The following TTN variants were observed in gnomAD, a reference collection of about 807,000 sequenced individuals.
TTN encodes the protein titin.
Under a neutral mutation model 3,223.0 loss-of-function variants are expected in TTN, and 1,525 were observed. The observed-to-expected ratio is 0.47, with a 90% CI of 0.45 to 0.49. The LOEUF is 0.49. TTN is among the 20% of genes least tolerant of loss of function. The pLI is 0.00. For synonymous variants in TTN, 14,094 were observed against 15,161.0 expected (o/e 0.93, Z 5.17); for missense variants, 40,786 against 43,424.0 (o/e 0.94, Z 5.40).
intron 143 of TTN, 88 bp downstream of exon 143, chr2:178,678,659 A>AT (rs1240049258): frequency 7.8e-7 from 1 of 1,286,592 alleles, no homozygotes; most frequent in African/African-American, 1.5e-5. Context: ...AAAGAGTTGC[A>AT]TCCCAAAGAG....
Position 178,775,740 on chromosome 2 carries a change from T to G in TTN, c.6124A>C (p.Thr2042Pro). ...RKTKDELLHW[T>P]KELTEEEKKA... ...TTTTCCTCTTCAGTTAACTCTTTGG[T>G]CCAGTGGAGAAGTTCATCTTTTGTC... The change falls in exon 28 of 363, where the codon ACC (threonine) becomes CCC (proline). Residue 2042 changes from threonine (T) to proline (P), a missense_variant. Coordinates refer to ENST00000589042, the MANE Select transcript of TTN (RefSeq NM_001267550.2). 1 of 1,614,078 alleles carries G rather than the reference T, an allele frequency of 6.2e-7. No individual in the cohort carries two copies. Among genetic ancestry groups the G allele is most frequent in the South Asian group, 1.1e-5 (1 of 91,082 alleles).
intron 47 of TTN, chr2:178,750,303 C>T (rs1401056403): frequency 3.7e-6 from 6 of 1,613,196 alleles, no homozygotes; most frequent in Non-Finnish European, 5.1e-6. Context: ...TTTGCTTTCA[C>T]TTTAAGCATA....
intron 294 of TTN, among the ~76,000 whole-genome samples, chr2:178,596,498 G>C (rs1029145487): frequency 2.0e-5 from 3 of 152,052 alleles, no homozygotes; most frequent in African/African-American, 7.2e-5. Context: ...GGGAAACGGA[G>C]AGAGAGATGG....
At position 178,794,517 on chromosome 2, in the gene TTN, G is replaced by C. The variant is rs759339096; in HGVS notation, c.1280C>G (p.Ala427Gly). The C allele has an allele frequency of 1.2e-6, 2 of 1,614,032 alleles. No homozygotes were observed. Among genetic ancestry groups the C allele is most frequent in the African/African-American group, 1.3e-5 (1 of 74,920 alleles). ...KQDADKSAAV[A>G]TVVAAVDMAR... ...CATATCAACGGCAGCAACAACAGTC[G>C]CAACAGCTGCACTTTTGTCAGCATC... The change falls in exon 8 of 363, where the codon GCG (alanine) becomes GGG (glycine). Residue 427 changes from alanine (A) to glycine (G), a missense_variant. Physicochemically the swap from Ala to Gly is moderately conservative, Grantham distance 60. Transcript: ENST00000589042.
chr2:178,557,283 A>G lies in TTN; in HGVS notation c.87979T>C (p.Ser29327Pro), dbSNP rs369714676. 1 of 1,613,938 alleles carries G rather than the reference A, an allele frequency of 6.2e-7. No homozygotes were observed. Among genetic ancestry groups the G allele is most frequent in the East Asian group, 2.2e-5 (1 of 44,822 alleles). Reference sequence around the variant, plus strand: ...GCATCAATTGCCAAGACTGGTTCAGAAGGATGGCTAGGTTTTCCAACTCCA... The same window carrying G: ...GCATCAATTGCCAAGACTGGTTCAGGAGGATGGCTAGGTTTTCCAACTCCA... Reference protein sequence around the residue: ...AAGVGKPSHPSEPVLAIDACE... With the variant: ...AAGVGKPSHPPEPVLAIDACE... The change falls in exon 329 of 363, where the codon TCT becomes CCT. Residue 29327 changes from serine to proline, a missense_variant. Physicochemically the swap from Ser to Pro is moderately conservative, Grantham distance 74 (BLOSUM62 -1). Coordinates refer to ENST00000589042, the MANE Select transcript of TTN (RefSeq NM_001267550.2).
chr2:178,783,976 G>A, intron 16 of TTN, 94 bp downstream of exon 16: 1 of 1,595,192 alleles, frequency 6.3e-7, no homozygotes, highest in East Asian at 2.2e-5. Flanking sequence ...AGAAAGGCAA[G>A]ACTCCACTGG....
chr2:178,593,926 C>T, intron 297 of TTN, 35 bp downstream of exon 297: 1 of 1,608,278 alleles, frequency 6.2e-7, no homozygotes, highest in Non-Finnish European at 8.5e-7. Context: ...TTTGAAAGAA[C>T]AGAAGATCTA....
chr2:178,749,806 AAGGACTC>A, intron 47 of TTN: 1 of 1,613,174 alleles, frequency 6.2e-7, no homozygotes, highest in Non-Finnish European at 8.5e-7. Context: ...TCTGCTTTAA[AAGGACTC>A]CATTTTGAAA....
At chr2:178,749,566 C>A (rs1248200806) in intron 47 of TTN, 2 of 1,612,750 alleles carry the variant, frequency 1.2e-6, no homozygotes, top group African/African-American at 2.7e-5. Flanking sequence ...CAGATTCTCC[C>A]TGGTCTTGCA....
Position 178,632,358 on chromosome 2 carries a change from T to C in TTN, c.43536A>G (p.Glu14512=), listed in dbSNP as rs776208084. 6.2e-7 allele frequency: 1 copy of C among 1,604,550 alleles called. No individual in the cohort carries two copies. Among genetic ancestry groups the C allele is most frequent in the South Asian group, 1.1e-5 (1 of 89,142 alleles). Residue 14512 remains glutamate (E), a synonymous_variant, in exon 236 of 363, where the codon GAA becomes GAG. Coordinates refer to ENST00000589042, the MANE Select transcript of TTN (RefSeq NM_001267550.2). ...PLKDVTAKEK[E]SAVFTVELSH... The stretch of plus-strand genomic sequence containing the variant: ...ATAACTCCACAGTAAATACAGCACT[T>C]TCCTTCTCTTTGGCAGTTACATCTT...
rs201839118 is a variant in TTN, at chr2:178,570,081, A to G, written c.76051T>C (p.Trp25351Arg). Residue 25351 changes from tryptophan to arginine, a missense_variant, in exon 326 of 363, where the codon TGG becomes CGG. By Grantham distance (101) the Trp-to-Arg change is moderately radical. Transcript: ENST00000589042. The stretch of plus-strand genomic sequence containing the variant: ...ATCAGACGCTTATGGCATCTTGTCC[A>G]TCTAATGCCTTCTTTATCCCGTTTC... ...LEKRDKEGIR[W>R]TRCHKRLIGE... 1.3e-4 allele frequency: 208 copies of G among 1,613,328 alleles called. No homozygotes were observed. The highest frequency in any genetic ancestry group is 1.6e-4 in the Non-Finnish European group (192 of 1,179,602).
In TTN at chr2:178,570,606, G is replaced by T; in HGVS notation, c.75526C>A (p.Arg25176Ser). Residue 25176 changes from arginine (R) to serine (S), a missense_variant, in exon 326 of 363, where the codon CGT (arginine) becomes AGT (serine). Physicochemically the swap from Arg to Ser is moderately radical, Grantham distance 110 (BLOSUM62 -1). Transcript: ENST00000589042. ...ATSLSVKDAV[R>S]VDSGNYILKA... ...AGTATGTAATTTCCACTGTCGACACGTACTGCATCTTTTACACTGAGACTG... is the reference window on the plus strand; with the variant it reads ...AGTATGTAATTTCCACTGTCGACACTTACTGCATCTTTTACACTGAGACTG... 6.2e-7 allele frequency: 1 copy of T among 1,613,384 alleles called. No individual in the cohort carries two copies. The highest frequency in any genetic ancestry group is 8.5e-7 in the Non-Finnish European group (1 of 1,179,612).
At position 178,564,532 on chromosome 2, in the gene TTN, G is replaced by A. The variant is rs773107849; in HGVS notation, c.81600C>T (p.Ser27200=). The change falls in exon 326 of 363, where the codon AGC becomes AGT. Residue 27200 remains serine, a synonymous_variant. Coordinates refer to ENST00000589042, the MANE Select transcript of TTN (RefSeq NM_001267550.2). ...KWKKPAYDGG[S]KITGYIVEKK... ...TTTCTACAATATAACCTGTTATTTT[G>A]CTACCACCATCATAGGCAGGTTTCT... 10 of 1,612,886 alleles carry A rather than the reference G, an allele frequency of 6.2e-6. No individual in the cohort carries two copies. The highest frequency in any genetic ancestry group is 8.5e-6 in the Non-Finnish European group (10 of 1,179,508).
In TTN at chr2:178,621,569, T is replaced by G. The variant is rs749903521; in HGVS notation, c.45255A>C (p.Arg15085Ser). ...GGTGAGCGTTCTGAATGACCAGGAT[T>G]CTCTTCCGTCCTTCAGTCAGTATTT... ...RYEILTEGRK[R>S]ILVIQNAHLE... Residue 15085 changes from arginine (R) to serine (S), a missense_variant, in exon 245 of 363, where the codon AGA becomes AGC. By Grantham distance (110) the Arg-to-Ser change is moderately radical. Coordinates refer to ENST00000589042, the MANE Select transcript of TTN (RefSeq NM_001267550.2). The G allele has an allele frequency of 1.9e-6, 3 of 1,612,348 alleles. No individual in the cohort carries two copies. The African/African-American group carries it at 4.0e-5, about 22-fold the overall frequency.
In TTN at chr2:178,770,067, A is replaced by G. The variant is rs2091250262; in HGVS notation, c.8634T>C (p.Phe2878=). ...GGGCTGCCTGATACTTACTCTCCACAAACAGTTTTGCTTTGCATTCCAATT... is the reference window on the plus strand; with the variant it reads ...GGGCTGCCTGATACTTACTCTCCACGAACAGTTTTGCTTTGCATTCCAATT... ...VGQLECKAKL[F]VETLHITKTM... Residue 2878 remains phenylalanine (F), a synonymous_variant, in exon 36 of 363, where the codon TTT becomes TTC. Transcript: ENST00000589042. 1 of 1,614,154 alleles carries G rather than the reference A, an allele frequency of 6.2e-7. No homozygotes were observed. Among genetic ancestry groups the G allele is most frequent in the Non-Finnish European group, 8.5e-7 (1 of 1,180,012 alleles).
intron 8 of TTN, among the ~76,000 whole-genome samples, 156 bp from the exon 9 acceptor site, chr2:178,793,697 G>C (rs2093629144): frequency 6.6e-6 from 1 of 152,152 alleles, no homozygotes; most frequent in South Asian, 2.1e-4. Flanking sequence ...CTACTCACGA[G>C]ACTGAGGCAC....
Position 178,563,955 on chromosome 2 carries a change from G to C in TTN, c.82177C>G (p.Pro27393Ala). ...TTAGCACCACCATCTTGCAAAGGTG[G>C]GTTCCATGCCAGGTAACATTTTTCC... The part of the protein sequence containing the change: ...TAEKCYLAWN[P>A]PLQDGGANIS... Residue 27393 changes from proline (P) to alanine (A), a missense_variant, in exon 326 of 363, where the codon CCA (proline) becomes GCA (alanine). By Grantham distance (27) the Pro-to-Ala change is conservative. Transcript: ENST00000589042. This position sits in a 1 kb window ranked among gnomAD's most constrained non-coding sequence, Gnocchi z 4.5. 6.2e-7 allele frequency: 1 copy of C among 1,613,570 alleles called. No individual in the cohort carries two copies. The highest frequency in any genetic ancestry group is 1.3e-5 in the African/African-American group (1 of 74,960).
intron 82 of TTN, 47 bp from the exon 83 acceptor site, chr2:178,719,498 G>T (rs766212968): frequency 6.3e-7 from 1 of 1,590,290 alleles, no homozygotes; most frequent in East Asian, 2.2e-5. Context: ...GTTTTATTCT[G>T]TGCCCCTCCA....
At position 178,636,075 on chromosome 2, in the gene TTN, G is replaced by C; in HGVS notation, c.41496C>G (p.Gly13832=). ...KPGRIVPGVI[G]LMRALTINDA... ...CGTTGATGGTCAGAGCCCGCATCAA[G>C]CCAATGACGCCTGGCACAATTCGGC... The change falls in exon 226 of 363, where the codon GGC becomes GGG. Residue 13832 remains glycine, a synonymous_variant. Transcript: ENST00000589042. This position sits in a 1 kb window ranked among gnomAD's most constrained non-coding sequence, Gnocchi z 4.3. 6.2e-7 allele frequency: 1 copy of C among 1,613,274 alleles called. No individual in the cohort carries two copies. The highest frequency in any genetic ancestry group is 8.5e-7 in the Non-Finnish European group (1 of 1,179,538).
Sources: gnomAD v4.1 joint callset for allele counts (sites outside exome capture counted in the v4.1 genomes callset) on GRCh38, gnomAD v4.1.1 for gene constraint, Gnocchi (gnomAD v3.1) non-coding constraint, MANE v1.5 for transcripts, NCBI Gene and HGNC (gene_info 2026-07-23, HGNC 2026-07-21) for gene names.